Variants in YJU2 observed in about 807,000 individuals in gnomAD.
YJU2 encodes YJU2 splicing factor homolog.
A neutral mutation model predicts 39.6 loss-of-function variants in YJU2; 28 were observed. The ratio of observed to expected loss-of-function variants is 0.71; its 90% CI spans 0.52 to 0.97. The LOEUF (loss-of-function observed/expected upper bound fraction) is 0.97. Ranked by LOEUF, YJU2 falls within the 50% of genes least tolerant of loss-of-function variation. YJU2 has a pLI of 0.00. For missense variants in YJU2, 328 were observed against 430.4 expected (o/e 0.76, Z 2.11); for synonymous variants, 184 against 182.4 (o/e 1.01, Z -0.07).
intron 6 of YJU2, among the ~76,000 whole-genome samples, chr19:4,266,493 C>T (rs555315409): frequency 3.3e-5 from 5 of 152,140 alleles, no homozygotes; most frequent in South Asian, 2.1e-4. Flanking sequence ...CAATGCAAGA[C>T]GCCCTTCCTC....
Position 4,262,112 on chromosome 19 carries a change from G to A in YJU2, c.706G>A (p.Glu236Lys). 3 of 1,607,962 alleles carry A rather than the reference G, an allele frequency of 1.9e-6. No homozygotes were observed. In the South Asian group the frequency reaches 3.3e-5, roughly 18 times the overall value. ...GCCCAACCCCACCGCCATCCTGGAT[G>A]AGGTAAGTGGGGTGCCTGAGTCCTG... ...LRPNPTAILD[E>K]APKPKRKVEV... Residue 236 changes from glutamate (E) to lysine (K), a missense_variant and splice_region_variant, in exon 6 of 8, where the codon GAG becomes AAG. Glu to Lys is a moderately conservative substitution (Grantham distance 56). This residue lies in a region of YJU2 where 244 missense variants were observed against 264.6 expected (regional missense o/e 0.92). Coordinates refer to ENST00000262962, the MANE Select transcript of YJU2 (RefSeq NM_018074.6).
chr19:4,251,579 A>C (rs1970977007), intron 3 of YJU2, among the ~76,000 whole-genome samples: 2 of 151,620 alleles, frequency 1.3e-5, no homozygotes, highest in Non-Finnish European at 2.9e-5. Context: ...CAGTTACTCG[A>C]GAGGCTAAGG....
intron 5 of YJU2, among the ~76,000 whole-genome samples, chr19:4,258,708 C>T (rs1188861415): frequency 6.6e-6 from 1 of 152,218 alleles, no homozygotes; most frequent in East Asian, 1.9e-4. Flanking sequence ...GTGTCGGGGG[C>T]CAGGCCTTCC....
chr19:4,253,560 A>C (rs1970995094), intron 3 of YJU2, among the ~76,000 whole-genome samples: 1 of 152,116 alleles, frequency 6.6e-6, no homozygotes, highest in Non-Finnish European at 1.5e-5. Context: ...CGGCCTGGGC[A>C]ACAGCACGAG....
chr19:4,254,627 T>C (rs1383648984), intron 4 of YJU2, 138 bp downstream of exon 4: 6 of 1,284,336 alleles, frequency 4.7e-6, no homozygotes, highest in Non-Finnish European at 6.3e-6. Flanking sequence ...AACTTTAAGA[T>C]GTCCCCAGGA....
At chr19:4,263,237 C>T (rs148752833) in intron 6 of YJU2, among the ~76,000 whole-genome samples, 133 of 152,296 alleles carry the variant, frequency 8.7e-4, no homozygotes, top group African/African-American at 2.9e-3. Flanking sequence ...TCTAGGACTT[C>T]GGGCAGCTCT....
chr19:4,255,926 G>T (rs1488749021), intron 4 of YJU2, among the ~76,000 whole-genome samples: 2 of 151,930 alleles, frequency 1.3e-5, no homozygotes, highest in Non-Finnish European at 2.9e-5. Flanking sequence ...AGAATTGCTT[G>T]AACCCAGGAG....
At chr19:4,254,884 C>T (rs1035263321) in intron 4 of YJU2, among the ~76,000 whole-genome samples, 1 of 151,768 alleles carries the variant, frequency 6.6e-6, no homozygotes, top group Admixed American at 6.6e-5. Flanking sequence ...GGTGAAACCC[C>T]GTCTCTACTA....
intron 6 of YJU2, among the ~76,000 whole-genome samples, chr19:4,267,345 TG>T (rs750387915): frequency 2.6e-5 from 4 of 152,112 alleles, no homozygotes; most frequent in Non-Finnish European, 5.9e-5. Flanking sequence ...GGGGCATCCC[TG>T]GTGAAGGGAA....
chr19:4,249,205 A>G (rs2044975280), intron 1 of YJU2, 23 bp from the exon 2 acceptor site: 1 of 1,533,360 alleles, frequency 6.5e-7, no homozygotes, highest in Non-Finnish European at 9.0e-7. Flanking sequence ...TAACTCCCCC[A>G]ACGTTTCCTT....
chr19:4,250,976 G>A, intron 2 of YJU2, 51 bp from the exon 3 acceptor site: 6 of 1,589,312 alleles, frequency 3.8e-6, no homozygotes, highest in Non-Finnish European at 5.2e-6. Flanking sequence ...CAGCCTGCCA[G>A]TGGGAGCCAG....
chr19:4,264,977 A>G (rs896218793), intron 6 of YJU2, among the ~76,000 whole-genome samples: 8 of 151,906 alleles, frequency 5.3e-5, no homozygotes, highest in Non-Finnish European at 1.2e-4. Context: ...TAGAGTTCTC[A>G]CACTGTGGTT....
rs142398147 is a variant in YJU2 at position 4,255,249 on chromosome 19, T to G, written c.405+760T>G. Among the ~76,000 whole-genome samples, 564 of 150,952 alleles carry G rather than the reference T, an allele frequency of 3.7e-3. 5 individuals carry two copies. The highest frequency in any genetic ancestry group is 0.013 in the African/African-American group (532 of 41,090). Reference sequence around the variant, plus strand: ...AAAAAAAATAAATAAATAAAAGAAATTATGTTCACTTCCAATAGGACAATT... The same window carrying G: ...AAAAAAAATAAATAAATAAAAGAAAGTATGTTCACTTCCAATAGGACAATT... On this transcript the variant is annotated intron_variant, in intron 4 of 7. Coordinates refer to ENST00000262962, the MANE Select transcript of YJU2 (RefSeq NM_018074.6).
chr19:4,267,144 C>T (rs1047225957), intron 6 of YJU2, among the ~76,000 whole-genome samples: 30 of 152,112 alleles, frequency 2.0e-4, no homozygotes, highest in African/African-American at 7.2e-4. Flanking sequence ...CACCGCAGAG[C>T]CAGCAGTGGG....
chr19:4,253,384 C>T (rs1030905934), intron 3 of YJU2, among the ~76,000 whole-genome samples: 3 of 152,140 alleles, frequency 2.0e-5, no homozygotes, highest in Non-Finnish European at 2.9e-5. Flanking sequence ...AGAGACCAGC[C>T]TGGGCAACAT....
chr19:4,268,572 C>G lies in YJU2; in HGVS notation c.860-12C>G, dbSNP rs773730842. On this transcript the variant is annotated splice_polypyrimidine_tract_variant and intron_variant, in intron 7 of 7. Coordinates refer to ENST00000262962, the MANE Select transcript of YJU2 (RefSeq NM_018074.6). ...TGGAGCTGAGATGAGCTAACTCTCG[C>G]TCTCCCACCAGGAGCCCCGCAGAAC... 4.6e-5 allele frequency: 73 copies of G among 1,593,540 alleles called. No individual in the cohort carries two copies. The Admixed American group carries it at 1.2e-3, about 27-fold the overall frequency.
At chr19:4,258,808 C>T (rs1971045561) in intron 5 of YJU2, among the ~76,000 whole-genome samples, 1 of 152,186 alleles carries the variant, frequency 6.6e-6, no homozygotes, top group African/African-American at 2.4e-5. Flanking sequence ...ACTAGGGAAG[C>T]TCCTAGAGAC....
At position 4,267,769 on chromosome 19, in the gene YJU2, C is replaced by A. The variant is rs1274007105; in HGVS notation, c.854C>A (p.Thr285Asn). ...CSNGQPQAAP[T>N]PGAPQNRKEA... is the part of the protein sequence containing the mutation. Reference sequence around the variant, plus strand: ...AACGGGCAGCCTCAGGCGGCCCCCACCCCAGGTAAGGTCACAGAGTTCCCA... The same window carrying A: ...AACGGGCAGCCTCAGGCGGCCCCCAACCCAGGTAAGGTCACAGAGTTCCCA... The change falls in exon 7 of 8, where the codon ACC becomes AAC. Residue 285 changes from threonine (T) to asparagine (N), a missense_variant. Around this residue, in one of 2 missense-constraint regions of YJU2, gnomAD observed 244 missense variants for 264.6 expected, o/e 0.92. Coordinates refer to ENST00000262962, the MANE Select transcript of YJU2 (RefSeq NM_018074.6). The A allele has an allele frequency of 1.2e-6, 2 of 1,611,534 alleles. No individual in the cohort carries two copies. The highest frequency in any genetic ancestry group is 1.7e-6 in the Non-Finnish European group (2 of 1,179,162).
At chr19:4,251,902 G>A (rs141442691) in intron 3 of YJU2, among the ~76,000 whole-genome samples, 22 of 151,784 alleles carry the variant, frequency 1.4e-4, no homozygotes, top group African/African-American at 4.8e-4. Flanking sequence ...CAGGAGAATC[G>A]CTTGAACCCG....
Sources: gnomAD v4.1 joint callset for allele counts (sites outside exome capture counted in the v4.1 genomes callset) on GRCh38, gnomAD v4.1.1 for gene constraint, gnomAD v4.1.1 regional missense constraint, MANE v1.5 for transcripts, NCBI Gene and HGNC (gene_info 2026-07-23, HGNC 2026-07-21) for gene names.